The following RIPOR2 variants were observed in gnomAD, a reference collection of about 807,000 sequenced individuals.
RIPOR2 encodes RHO family interacting cell polarization regulator 2, also known as rho family-interacting cell polarization regulator 2.
A neutral mutation model predicts 114.5 loss-of-function variants in RIPOR2; 39 were observed. The ratio of observed to expected loss-of-function variants is 0.34; its 90% CI spans 0.26 to 0.44. The LOEUF is 0.44. Ranked by LOEUF, RIPOR2 falls within the 20% of genes least tolerant of loss-of-function variation. The probability of loss-of-function intolerance (pLI) is 1.00; values close to 1 mark genes in which losing one functional copy is unlikely to be tolerated. For missense variants in RIPOR2, 1,007 were observed against 1,255.1 expected, an observed-to-expected ratio of 0.80 and a Z score of 2.99; for synonymous variants, 445 against 484.4, an observed-to-expected ratio of 0.92 and a Z score of 1.07.
At chr6:24,935,023 C>G (rs1170619101) in intron 1 of RIPOR2, among the ~76,000 whole-genome samples, 1 of 151,874 alleles carries the variant, frequency 6.6e-6, no homozygotes, top group Non-Finnish European at 1.5e-5. Flanking sequence ...AGAGAAGGAC[C>G]CAGGCCGGGC....
chr6:24,894,199 G>C (rs2144212), intron 1 of RIPOR2, among the ~76,000 whole-genome samples: 1 of 152,182 alleles, frequency 6.6e-6, no homozygotes, highest in Non-Finnish European at 1.5e-5. Flanking sequence ...AGGTGATTCA[G>C]GACAATATTT....
chr6:24,809,460 A>G (rs1780992029), intron 21 of RIPOR2, among the ~76,000 whole-genome samples: 1 of 152,216 alleles, frequency 6.6e-6, no homozygotes, highest in Non-Finnish European at 1.5e-5. Flanking sequence ...AATAGTACAC[A>G]GACTGATCAA....
intron 1 of RIPOR2, among the ~76,000 whole-genome samples, chr6:24,894,842 G>A (rs1767705165): frequency 6.6e-6 from 1 of 152,062 alleles, no homozygotes; most frequent in East Asian, 1.9e-4. Flanking sequence ...ATACTCTTAG[G>A]GTTAAATCCA....
intron 16 of RIPOR2, 73 bp from the exon 17 acceptor site, chr6:24,830,743 T>G: frequency 2.1e-6 from 3 of 1,438,874 alleles, no homozygotes; most frequent in Non-Finnish European, 2.8e-6. Flanking sequence ...TGAGACAGAG[T>G]CTTGCTTTGT....
intron 1 of RIPOR2, among the ~76,000 whole-genome samples, chr6:24,934,395 A>G (rs1437493560): frequency 6.6e-6 from 1 of 152,214 alleles, no homozygotes; most frequent in Non-Finnish European, 1.5e-5. Context: ...AGCTCAATAG[A>G]TATTCTTCAA....
intron 1 of RIPOR2, among the ~76,000 whole-genome samples, chr6:25,041,484 T>G (rs1220396341): frequency 2.0e-5 from 3 of 152,238 alleles, no homozygotes; most frequent in African/African-American, 7.2e-5. Flanking sequence ...ATGTTCCATT[T>G]TTTTCCCCAC....
chr6:25,029,841 A>T (rs1414590443), intron 1 of RIPOR2, among the ~76,000 whole-genome samples: 1 of 152,246 alleles, frequency 6.6e-6, no homozygotes, highest in Non-Finnish European at 1.5e-5. Context: ...GGTTAAAAAC[A>T]TGAAGTTAAA....
At chr6:25,012,315 G>A (rs1002176876) in intron 1 of RIPOR2, among the ~76,000 whole-genome samples, 3 of 152,122 alleles carry the variant, frequency 2.0e-5, no homozygotes, top group African/African-American at 7.2e-5. Context: ...AAATAATTTG[G>A]CAGTTCTTCC....
intron 19 of RIPOR2, among the ~76,000 whole-genome samples, chr6:24,822,510 A>G (rs548207661): frequency 1.3e-5 from 2 of 151,752 alleles, no homozygotes; most frequent in Non-Finnish European, 2.9e-5. Context: ...GTATTTATTT[A>G]TTTTTATTTA....
At chr6:24,973,127 A>T (rs776172275) in intron 1 of RIPOR2, among the ~76,000 whole-genome samples, 2 of 152,246 alleles carry the variant, frequency 1.3e-5, no homozygotes, top group Non-Finnish European at 2.9e-5. Flanking sequence ...ATCTGAATAA[A>T]CATTTCTCCA....
intron 1 of RIPOR2, chr6:25,023,164 A>G (rs1776415043): frequency 1.7e-6 from 1 of 584,106 alleles, no homozygotes. Context: ...AACAAGTCAC[A>G]ATTACAAATT....
intron 1 of RIPOR2, among the ~76,000 whole-genome samples, chr6:24,876,171 T>A (rs923683981): frequency 4.6e-5 from 7 of 151,708 alleles, no homozygotes; most frequent in African/African-American, 1.5e-4. Context: ...ATGTCTGTAA[T>A]CCTAACCACT....
chr6:24,843,205 G>A lies in RIPOR2; in HGVS notation c.1514C>T (p.Ala505Val), dbSNP rs1436542508. ...SEACRRQSSG[A>V]GAEHLFLEND... is the part of the protein sequence containing the mutation. ...CTCAAGGAACAGGTGCTCAGCCCCA[G>A]CACCTGAGGACTGTCGGCGGCAAGC... The change falls in exon 13 of 22, where the codon GCT (alanine) becomes GTT (valine). Residue 505 changes from alanine (A) to valine (V), a missense_variant. Coordinates refer to ENST00000643898, the MANE Select transcript of RIPOR2 (RefSeq NM_001286445.3). 2 of 1,613,904 alleles carry A rather than the reference G, an allele frequency of 1.2e-6. No individual in the cohort carries two copies. Among genetic ancestry groups the A allele is most frequent in the Non-Finnish European group, 8.5e-7 (1 of 1,179,894 alleles).
At chr6:24,886,210 C>G (rs1450118958) in intron 1 of RIPOR2, among the ~76,000 whole-genome samples, 1 of 152,140 alleles carries the variant, frequency 6.6e-6, no homozygotes, top group African/African-American at 2.4e-5. Flanking sequence ...ACATTTCCTC[C>G]CCCACACTGA....
chr6:24,913,693 C>A (rs1039500217), intron 1 of RIPOR2, among the ~76,000 whole-genome samples: 2 of 152,186 alleles, frequency 1.3e-5, no homozygotes, highest in Admixed American at 6.5e-5. Flanking sequence ...GTGTGGTCAC[C>A]AAAGTCTTCA....
intron 1 of RIPOR2, among the ~76,000 whole-genome samples, chr6:24,926,391 C>T (rs1770862100): frequency 6.6e-6 from 1 of 152,220 alleles, no homozygotes; most frequent in African/African-American, 2.4e-5. Context: ...GTACATGTTT[C>T]TCCCTTGGAT....
At position 24,827,308 on chromosome 6, in the gene RIPOR2, C is replaced by T. The variant is rs146063301; in HGVS notation, c.2665+829G>A. On this transcript the variant is annotated intron_variant, in intron 18 of 21. Transcript: ENST00000643898. ...GCTGGGTGAAGGAAGATTTTTCTTC[C>T]TTCACTATGATGCCACCCAATGTGC... Among the ~76,000 whole-genome samples, 613 of 152,234 alleles carry T rather than the reference C, an allele frequency of 4.0e-3. 3 individuals carry two copies. The highest frequency in any genetic ancestry group is 0.014 in the African/African-American group (563 of 41,542).
intron 20 of RIPOR2, among the ~76,000 whole-genome samples, chr6:24,810,970 A>C (rs1429487272): frequency 6.6e-6 from 1 of 151,234 alleles, no homozygotes; most frequent in African/African-American, 2.4e-5. Context: ...ACGCCTGGCT[A>C]ATTTTTGTGT....
intron 1 of RIPOR2, among the ~76,000 whole-genome samples, chr6:24,953,442 G>T (rs147166933): frequency 6.6e-6 from 1 of 152,170 alleles, no homozygotes; most frequent in Non-Finnish European, 1.5e-5. Context: ...CTCTCCAGGT[G>T]TGTGCCCCAC....
Sources: allele counts gnomAD v4.1 joint callset (sites outside exome capture counted in the v4.1 genomes callset), GRCh38; gene constraint gnomAD v4.1.1; transcripts MANE v1.5; gene names NCBI Gene and HGNC (gene_info 2026-07-23, HGNC 2026-07-21).